Variants in PTPRT observed in about 807,000 individuals in gnomAD.
The protein encoded by PTPRT is receptor-type tyrosine-protein phosphatase T.
Under a neutral mutation model 176.8 loss-of-function variants are expected in PTPRT, and 56 were observed. That is an observed-to-expected ratio of 0.32 (90% CI 0.26 to 0.40). PTPRT has a LOEUF of 0.40. Ranked by LOEUF, PTPRT falls within the 10% of genes least tolerant of loss-of-function variation. PTPRT has a pLI of 1.00. For missense variants in PTPRT, 1,540 were observed against 1,908.2 expected (o/e 0.81, Z 3.60); for synonymous variants, 783 against 739.0 (o/e 1.06, Z -0.96).
intron 7 of PTPRT, among the ~76,000 whole-genome samples, chr20:42,479,323 C>T (rs2071342116): frequency 6.6e-6 from 1 of 152,128 alleles, no homozygotes; most frequent in Non-Finnish European, 1.5e-5. Flanking sequence ...AGCTTGTATG[C>T]AAAATTAATT....
chr20:42,225,953 A>G (rs6030063), intron 15 of PTPRT, among the ~76,000 whole-genome samples: 15,295 of 152,200 alleles, frequency 0.1, 2,570 homozygotes, highest in African/African-American at 0.35. Flanking sequence ...GCACCAGGCC[A>G]AATGTGTCAT....
chr20:42,895,250 G>A (rs903335557), intron 1 of PTPRT, among the ~76,000 whole-genome samples: 3 of 152,110 alleles, frequency 2.0e-5, no homozygotes. Context: ...AGGGTCAGGT[G>A]AGGGCTTGCT....
chr20:42,708,435 GT>G (rs2076094093), intron 6 of PTPRT, among the ~76,000 whole-genome samples: 1 of 152,156 alleles, frequency 6.6e-6, no homozygotes, highest in Non-Finnish European at 1.5e-5. Context: ...AGATTTCTCA[GT>G]TAGATTAATA....
intron 1 of PTPRT, among the ~76,000 whole-genome samples, chr20:43,068,942 A>G (rs2011147500): frequency 6.6e-6 from 1 of 152,180 alleles, no homozygotes; most frequent in Non-Finnish European, 1.5e-5. Context: ...GTAGAGCTCA[A>G]AACCTACTAC....
chr20:42,204,588 G>A (rs1158938686), intron 15 of PTPRT, among the ~76,000 whole-genome samples: 1 of 152,202 alleles, frequency 6.6e-6, no homozygotes, highest in Non-Finnish European at 1.5e-5. Flanking sequence ...GCTTCTGACA[G>A]GTGAGGACGA....
intron 5 of PTPRT, among the ~76,000 whole-genome samples, chr20:42,761,995 A>G (rs1053479894): frequency 1.1e-4 from 16 of 152,218 alleles, no homozygotes; most frequent in Non-Finnish European, 2.4e-4. Flanking sequence ...TGTTTGTTCA[A>G]AGAATATCTA....
chr20:42,582,233 G>A (rs1261897239), intron 7 of PTPRT, among the ~76,000 whole-genome samples: 1 of 152,160 alleles, frequency 6.6e-6, no homozygotes, highest in Non-Finnish European at 1.5e-5. Context: ...CCTGGGGTGT[G>A]AAGGAGCTCC....
Position 42,847,453 on chromosome 20 carries a change from G to A in PTPRT, c.214+38354C>T, listed in dbSNP as rs530753513. ...ATACAGGCCAGCCTTTCAGGGCAGTGAGCAGGGTGGAGGTGGGTAAAGATG... is the reference window on the plus strand; with the variant it reads ...ATACAGGCCAGCCTTTCAGGGCAGTAAGCAGGGTGGAGGTGGGTAAAGATG... On this transcript the variant is annotated intron_variant, in intron 2 of 30. Transcript: ENST00000373187. Among the ~76,000 whole-genome samples, 1,180 of 152,312 alleles carry A rather than the reference G, an allele frequency of 7.7e-3. 12 individuals are homozygous for A. Among genetic ancestry groups the A allele is most frequent in the Non-Finnish European group, 0.01 (704 of 68,022 alleles).
intron 7 of PTPRT, among the ~76,000 whole-genome samples, chr20:42,598,918 C>T (rs543428237): frequency 5.3e-5 from 8 of 152,276 alleles, no homozygotes; most frequent in East Asian, 1.9e-4. Context: ...TACTTCACGG[C>T]GGCTAAATAA....
At chr20:42,460,349 C>T (rs150332756) in intron 8 of PTPRT, among the ~76,000 whole-genome samples, 15 of 152,230 alleles carry the variant, frequency 9.9e-5, no homozygotes, top group African/African-American at 1.4e-4. Context: ...GGAACACTGC[C>T]GCACCCATTT....
intron 9 of PTPRT, among the ~76,000 whole-genome samples, chr20:42,362,714 G>T (rs1252691768): frequency 6.6e-6 from 1 of 152,078 alleles, no homozygotes; most frequent in Non-Finnish European, 1.5e-5. Flanking sequence ...CTATCCTGTG[G>T]TTATACAAGA....
At chr20:43,057,057 TA>T (rs1429194384) in intron 1 of PTPRT, among the ~76,000 whole-genome samples, 1 of 151,876 alleles carries the variant, frequency 6.6e-6, no homozygotes, top group African/African-American at 2.4e-5. Context: ...TCTACTTATA[TA>T]ACATTCTTGA....
At chr20:42,622,520 A>C (rs954682936) in intron 7 of PTPRT, among the ~76,000 whole-genome samples, 6 of 152,180 alleles carry the variant, frequency 3.9e-5, no homozygotes, top group African/African-American at 1.4e-4. Context: ...CATTACAGGC[A>C]TGAGCCACCG....
intron 18 of PTPRT, among the ~76,000 whole-genome samples, chr20:42,139,904 T>C (rs147907348): frequency 2.0e-5 from 3 of 152,302 alleles, no homozygotes; most frequent in African/African-American, 4.8e-5. Flanking sequence ...CCACATGTCA[T>C]AAGTCTTAAT....
chr20:42,312,803 T>TC (rs1491327397), intron 12 of PTPRT, among the ~76,000 whole-genome samples: 1 of 4,672 alleles, frequency 2.1e-4, no homozygotes, highest in South Asian at 5.4e-3. Flanking sequence ...AGTGAGATCC[T>TC]TTTTTTTTTT....
chr20:42,910,902 T>C lies in PTPRT; in HGVS notation c.89-24970A>G, dbSNP rs138427665. ...GGCCTCAAAAAACTTATAATCATGG[T>C]GGAAGGCAAAGAGGAAACAAGGCAC... On this transcript the variant is annotated intron_variant, in intron 1 of 30. Transcript: ENST00000373187. 4.5e-3 allele frequency among the ~76,000 whole-genome samples: 680 copies of C among 152,232 alleles called. 9 individuals carry two copies. The highest frequency in any genetic ancestry group is 0.015 in the African/African-American group (617 of 41,536).
At chr20:42,224,801 A>G (rs547427535) in intron 15 of PTPRT, among the ~76,000 whole-genome samples, 6 of 152,314 alleles carry the variant, frequency 3.9e-5, no homozygotes, top group African/African-American at 1.4e-4. Flanking sequence ...GTTCCCAGAA[A>G]GGCAACATTT....
At position 42,766,422 on chromosome 20, in the gene PTPRT, A is replaced by G. The variant is rs535965117; in HGVS notation, c.684+5013T>C. Among the ~76,000 whole-genome samples the G allele has an allele frequency of 9.2e-5, 14 of 152,258 alleles. No individual in the cohort carries two copies. The South Asian group carries it at 2.7e-3, about 29-fold the overall frequency. Reference sequence around the variant, plus strand: ...TTCCCTGATTCACTACAATTGTTCTAGGCTCATGTGTTTGCATTTCTGCAT... The same window carrying G: ...TTCCCTGATTCACTACAATTGTTCTGGGCTCATGTGTTTGCATTTCTGCAT... On this transcript the variant is annotated intron_variant, in intron 5 of 30. Coordinates refer to ENST00000373187, the MANE Select transcript of PTPRT (RefSeq NM_007050.6).
At chr20:42,242,894 T>C (rs1819036463) in intron 14 of PTPRT, among the ~76,000 whole-genome samples, 1 of 152,062 alleles carries the variant, frequency 6.6e-6, no homozygotes. Context: ...GCTTTATTTT[T>C]TAACACAATG....
Sources: allele counts gnomAD v4.1 joint callset (sites outside exome capture counted in the v4.1 genomes callset), GRCh38; gene constraint gnomAD v4.1.1; transcripts MANE v1.5; gene names NCBI Gene and HGNC (gene_info 2026-07-23, HGNC 2026-07-21).